Variants in ATP11A observed in about 807,000 individuals in gnomAD.
The protein encoded by ATP11A is ATPase phospholipid transporting 11A, also known as phospholipid-transporting ATPase IH.
Under a neutral mutation model 154.4 loss-of-function variants are expected in ATP11A, and 81 were observed. That is an observed-to-expected ratio of 0.52 (90% CI 0.44 to 0.63). ATP11A has a LOEUF of 0.63. ATP11A is among the 30% of genes least tolerant of loss of function. ATP11A has a pLI of 0.00. For missense variants in ATP11A, 1,316 were observed against 1,474.3 expected (o/e 0.89, Z 1.76); for synonymous variants, 623 against 585.9 (o/e 1.06, Z -0.91).
At chr13:112,715,935 T>A (rs1365708621) in intron 1 of ATP11A, among the ~76,000 whole-genome samples, 3 of 152,008 alleles carry the variant, frequency 2.0e-5, no homozygotes, top group Admixed American at 2.0e-4. Context: ...CTTCTCCCAC[T>A]AAGGGCTCTC....
intron 1 of ATP11A, among the ~76,000 whole-genome samples, chr13:112,777,110 G>C (rs1036132010): frequency 2.6e-5 from 4 of 152,124 alleles, no homozygotes; most frequent in Non-Finnish European, 5.9e-5. Flanking sequence ...CTCGACCACT[G>C]AACACAGGTC....
intron 1 of ATP11A, among the ~76,000 whole-genome samples, chr13:112,779,651 C>T (rs563824410): frequency 1.3e-5 from 2 of 152,274 alleles, no homozygotes; most frequent in African/African-American, 2.4e-5. Flanking sequence ...CAGTGGCTCA[C>T]GCCTGTCATC....
chr13:112,819,572 A>G (rs1267007066), intron 7 of ATP11A, among the ~76,000 whole-genome samples, 165 bp downstream of exon 7: 1 of 152,246 alleles, frequency 6.6e-6, no homozygotes, highest in Non-Finnish European at 1.5e-5. Flanking sequence ...ATTTATTCTC[A>G]TAGACTTGTA....
intron 1 of ATP11A, chr13:112,717,619 A>G (rs981374708): frequency 2.6e-5 from 4 of 152,176 alleles, no homozygotes; most frequent in Non-Finnish European, 5.9e-5. Context: ...TTGCTAATTC[A>G]TTTTTCAGTT....
In ATP11A at chr13:112,833,009, C is replaced by T. The variant is rs1040466378; in HGVS notation, c.1545C>T (p.Val515=). Residue 515 remains valine, a synonymous_variant, in exon 14 of 30, where the codon GTC becomes GTT. Transcript: ENST00000375645. ...CCTCGCCCGACGAGGTGGCGCTGGT[C>T]GAAGGTGTCCAGAGGTACGTCGCGG... ...ISSSPDEVAL[V]EGVQRLGFTY... 5.6e-6 allele frequency: 9 copies of T among 1,612,624 alleles called. No individual in the cohort carries two copies. The highest frequency in any genetic ancestry group is 1.7e-5 in the Admixed American group (1 of 59,978).
At chr13:112,876,972 G>T (rs78723282) in intron 28 of ATP11A, among the ~76,000 whole-genome samples, 2,329 of 152,334 alleles carry the variant, frequency 0.015, 65 homozygotes, top group African/African-American at 0.053. Flanking sequence ...CATTGGTGCC[G>T]ATTTGAAATG....
chr13:112,764,971 A>G (rs554163244), intron 1 of ATP11A, among the ~76,000 whole-genome samples: 1 of 152,298 alleles, frequency 6.6e-6, no homozygotes, highest in South Asian at 2.1e-4. Context: ...GGAGGATTAT[A>G]TGGGCACTGG....
At chr13:112,719,708 G>C (rs1594407761) in intron 1 of ATP11A, among the ~76,000 whole-genome samples, 2 of 152,132 alleles carry the variant, frequency 1.3e-5, no homozygotes, top group South Asian at 4.1e-4. Flanking sequence ...AGGGGACTTT[G>C]TCACTTGCTG....
At chr13:112,863,354 C>CACAGTAATTCAGT (rs2080186900) in intron 25 of ATP11A, among the ~76,000 whole-genome samples, 1 of 133,832 alleles carries the variant, frequency 7.5e-6, no homozygotes, top group African/African-American at 2.8e-5. Flanking sequence ...TCACCACCTG[C>CACAGTAATTCAGT]GCAGTAATTC....
chr13:112,794,379 T>C (rs2077942385), intron 2 of ATP11A, among the ~76,000 whole-genome samples: 1 of 152,234 alleles, frequency 6.6e-6, no homozygotes. Context: ...TGTATCCCGA[T>C]GGTACTGCTG....
Position 112,831,548 on chromosome 13 carries a change from G to C in ATP11A, c.1395G>C (p.Arg465Ser). Reference sequence around the variant, plus strand: ...ACTCGTCCCCCAGCGTCAACGGGAGGGTAGGTGGCAGCCCCCACGCCGTCC... The same window carrying C: ...ACTCGTCCCCCAGCGTCAACGGGAGCGTAGGTGGCAGCCCCCACGCCGTCC... The part of the protein sequence containing the change: ...MIDSSPSVNG[R>S]EREELFFRAL... Residue 465 changes from arginine (R) to serine (S), a missense_variant and splice_region_variant, in exon 13 of 30, where the codon AGG (arginine) becomes AGC (serine). Coordinates refer to ENST00000375645, the MANE Select transcript of ATP11A (RefSeq NM_015205.3). 1 of 1,613,762 alleles carries C rather than the reference G, an allele frequency of 6.2e-7. No individual in the cohort carries two copies. The highest frequency in any genetic ancestry group is 8.5e-7 in the Non-Finnish European group (1 of 1,179,706).
intron 17 of ATP11A, among the ~76,000 whole-genome samples, chr13:112,845,069 G>A (rs2079544980): frequency 6.6e-6 from 1 of 151,824 alleles, no homozygotes; most frequent in African/African-American, 2.4e-5. Flanking sequence ...CCAGTTACTG[G>A]GCACTGGTGG....
intron 1 of ATP11A, among the ~76,000 whole-genome samples, chr13:112,776,365 G>T (rs1384911465): frequency 1.3e-5 from 2 of 152,126 alleles, no homozygotes; most frequent in Non-Finnish European, 1.5e-5. Context: ...CCCTTGCCCT[G>T]TTCCTTTCCA....
Position 112,697,749 on chromosome 13 carries a change from T to C in ATP11A, c.39+7294T>C, listed in dbSNP as rs1886050317. Among the ~76,000 whole-genome samples, 5 of 94,848 alleles carry C rather than the reference T, an allele frequency of 5.3e-5. No homozygotes were observed. In the South Asian group the frequency reaches 1.9e-3, roughly 36 times the overall value. 62.2% of individuals were successfully genotyped at this position (94,848 alleles called of 152,430 possible). ...CCAGTTTTTTTTTTTTTTTTTTTTT[T>C]TTTTAGTAGAGATGGGGTTTCACCA... is the stretch of plus-strand genomic sequence containing the variant. On this transcript the variant is annotated intron_variant, in intron 1 of 29. Transcript: ENST00000375645. This position sits in a 1 kb window ranked among gnomAD's most constrained non-coding sequence, Gnocchi z 4.0.
intron 29 of ATP11A, chr13:112,881,545 C>T: frequency 1.7e-6 from 2 of 1,148,840 alleles, no homozygotes; most frequent in Non-Finnish European, 2.2e-6. Context: ...TGGGTTCTTC[C>T]CTGGGATGGT....
chr13:112,793,735 A>G (rs2140087928), intron 2 of ATP11A, among the ~76,000 whole-genome samples: 1 of 152,318 alleles, frequency 6.6e-6, no homozygotes, highest in Non-Finnish European at 1.5e-5. Flanking sequence ...TGTTCAGGTG[A>G]ACACTAGTTG....
chr13:112,713,053 C>T (rs1405124234), intron 1 of ATP11A, among the ~76,000 whole-genome samples: 1 of 152,244 alleles, frequency 6.6e-6, no homozygotes, highest in Non-Finnish European at 1.5e-5. Flanking sequence ...TTTCAGTAGA[C>T]TTATGACAGC....
chr13:112,816,039 C>A (rs372184548), intron 5 of ATP11A, 44 bp from the exon 6 acceptor site: 1 of 1,611,082 alleles, frequency 6.2e-7, no homozygotes, highest in Admixed American at 1.7e-5. Context: ...CAAGCTTTCA[C>A]GGAGGGGCTT....
intron 12 of ATP11A, among the ~76,000 whole-genome samples, chr13:112,828,533 T>G (rs1485789208): frequency 1.5e-5 from 2 of 132,400 alleles, no homozygotes; most frequent in African/African-American, 2.9e-5. Flanking sequence ...CGCCCAGCAG[T>G]GTTGAGTAGG....
Sources: allele counts gnomAD v4.1 joint callset (sites outside exome capture counted in the v4.1 genomes callset), GRCh38; gene constraint gnomAD v4.1.1; non-coding constraint Gnocchi (gnomAD v3.1); transcripts MANE v1.5; gene names NCBI Gene and HGNC (gene_info 2026-07-23, HGNC 2026-07-21).